The following GEMIN2 variants were observed in gnomAD, a reference collection of about 807,000 sequenced individuals.
GEMIN2 encodes the protein gem-associated protein 2.
GEMIN2 carries 37 observed loss-of-function variants against 45.8 expected under a neutral mutation model. That is an observed-to-expected ratio of 0.81 (90% confidence interval 0.62 to 1.06). GEMIN2 has a LOEUF of 1.06. GEMIN2 is among the 50% of genes least tolerant of loss of function. The pLI is 0.00. For synonymous variants in GEMIN2, 101 were observed against 111.5 expected, an observed-to-expected ratio of 0.91 and a Z score of 0.60; for missense variants, 335 against 321.8, an observed-to-expected ratio of 1.04 and a Z score of -0.31.
At chr14:39,126,573 A>G (rs183007019) in intron 6 of GEMIN2, among the ~76,000 whole-genome samples, 91 of 152,330 alleles carry the variant, frequency 6.0e-4, no homozygotes, top group African/African-American at 2.0e-3. Context: ...TAGCAGTCAT[A>G]CTAAATTCCA....
rs748501909 is a variant in GEMIN2, at chr14:39,132,144, T to C, written c.711+76T>C. 19 of 745,284 alleles carry C rather than the reference T, an allele frequency of 2.5e-5. 1 individual carries two copies. Among genetic ancestry groups the C allele is most frequent in the South Asian group, 1.6e-4 (11 of 67,454 alleles). 46.2% of individuals were successfully genotyped at this position (745,284 alleles called of 1,614,324 possible). Reference sequence around the variant, plus strand: ...GTGGTAAAGAAGGAGTTCAGTGAAATAGGAAAACACATGGAATATTTTATT... The same window carrying C: ...GTGGTAAAGAAGGAGTTCAGTGAAACAGGAAAACACATGGAATATTTTATT... On this transcript the variant is annotated intron_variant, in intron 8 of 9. Transcript: ENST00000308317.
chr14:39,126,522 C>A (rs2052642941), intron 6 of GEMIN2, among the ~76,000 whole-genome samples: 1 of 152,126 alleles, frequency 6.6e-6, no homozygotes, highest in Non-Finnish European at 1.5e-5. Context: ...AAATAATACA[C>A]AAGCTGACAG....
At chr14:39,133,077 A>G (rs2052740598) in intron 8 of GEMIN2, among the ~76,000 whole-genome samples, 1 of 135,122 alleles carries the variant, frequency 7.4e-6, no homozygotes, top group Non-Finnish European at 1.7e-5. Flanking sequence ...AGTAATGAAT[A>G]TATATAAGAA....
chr14:39,129,934 G>GTTT (rs34165330), intron 7 of GEMIN2, among the ~76,000 whole-genome samples: 1,183 of 61,388 alleles, frequency 0.019, 27 homozygotes, highest in East Asian at 0.038. Flanking sequence ...AGACAAGTTT[G>GTTT]TTTTTTTTTT....
chr14:39,127,656 T>C (rs2052661564), intron 6 of GEMIN2, among the ~76,000 whole-genome samples: 1 of 152,174 alleles, frequency 6.6e-6, no homozygotes, highest in Non-Finnish European at 1.5e-5. Flanking sequence ...ACATTTTCTT[T>C]TAACCTTGTG....
At chr14:39,133,336 CA>C (rs1377333456) in intron 8 of GEMIN2, among the ~76,000 whole-genome samples, 1 of 146,636 alleles carries the variant, frequency 6.8e-6, no homozygotes, top group East Asian at 2.0e-4. Context: ...TATATATATT[CA>C]TCACTGTACA....
chr14:39,126,798 G>A (rs529870606), intron 6 of GEMIN2, among the ~76,000 whole-genome samples: 14 of 152,024 alleles, frequency 9.2e-5, no homozygotes, highest in Admixed American at 8.5e-4. Context: ...AGGGAGTCTC[G>A]CTCTGTCGCC....
chr14:39,124,849 CATT>C (rs1157107853), intron 5 of GEMIN2, 140 bp from the exon 6 acceptor site: 1 of 577,090 alleles, frequency 1.7e-6, no homozygotes, highest in Non-Finnish European at 3.1e-6. Context: ...CGGAATGTCT[CATT>C]GTTATGGACA....
chr14:39,122,631 C>A, intron 5 of GEMIN2, 88 bp downstream of exon 5: 1 of 640,590 alleles, frequency 1.6e-6, no homozygotes, highest in Non-Finnish European at 2.7e-6. Flanking sequence ...CTACCCTGGG[C>A]CAAGTCCAGT....
Position 39,118,465 on chromosome 14 carries a change from A to T in GEMIN2, c.313-75A>T, listed in dbSNP as rs527454695. Reference sequence around the variant, plus strand: ...ATTTTTCAAGTTTTAGATGGTTACAATTTTGTGCAGAAACTGATTTCAGTT... The same window carrying T: ...ATTTTTCAAGTTTTAGATGGTTACATTTTTGTGCAGAAACTGATTTCAGTT... On this transcript the variant is annotated intron_variant, in intron 3 of 9. Coordinates refer to ENST00000308317, the MANE Select transcript of GEMIN2 (RefSeq NM_003616.3). The T allele has an allele frequency of 7.8e-6, 6 of 772,192 alleles. No individual in the cohort carries two copies. The Admixed American group carries it at 1.1e-4, about 14-fold the overall frequency. 47.8% of individuals were successfully genotyped at this position (772,192 alleles called of 1,614,324 possible).
chr14:39,123,831 C>T (rs1342353395), intron 5 of GEMIN2, among the ~76,000 whole-genome samples: 1 of 148,360 alleles, frequency 6.7e-6, no homozygotes, highest in African/African-American at 2.5e-5. Context: ...AGCAATCCTC[C>T]CACGTCAGCC....
At position 39,118,603 on chromosome 14, in the gene GEMIN2, T is replaced by C. The variant is rs189184432; in HGVS notation, c.372+4T>C. ...GTTGGATAGTAATGTGACAATGGTA[T>C]GTAAGTTTCTCAGTTTTAAGATGTA... On this transcript the variant is annotated splice_donor_region_variant and intron_variant, in intron 4 of 9. Coordinates refer to ENST00000308317, the MANE Select transcript of GEMIN2 (RefSeq NM_003616.3). The C allele has an allele frequency of 1.5e-6, 2 of 1,341,662 alleles. No individual in the cohort carries two copies. The highest frequency in any genetic ancestry group is 2.1e-6 in the Non-Finnish European group (2 of 932,094). The allele number at this position is 1,341,662 out of a possible 1,614,324, so 83.1% of individuals were successfully genotyped here. A position where few individuals can be genotyped will look rare whatever the true frequency, so the allele number is the denominator to read the frequency against.
At chr14:39,127,504 G>A (rs1324280112) in intron 6 of GEMIN2, among the ~76,000 whole-genome samples, 6 of 151,606 alleles carry the variant, frequency 4.0e-5, no homozygotes, top group Non-Finnish European at 8.8e-5. Flanking sequence ...CACCATGCCC[G>A]GCTAATTTTT....
chr14:39,119,841 C>T (rs1254247167), intron 4 of GEMIN2, among the ~76,000 whole-genome samples: 2 of 152,168 alleles, frequency 1.3e-5, no homozygotes, highest in Non-Finnish European at 2.9e-5. Context: ...AAAGGTATAG[C>T]TAGTCCTTCT....
chr14:39,117,187 G>T (rs1175371966), intron 2 of GEMIN2, among the ~76,000 whole-genome samples: 1 of 151,068 alleles, frequency 6.6e-6, no homozygotes, highest in African/African-American at 2.4e-5. Flanking sequence ...CAGGAGAATT[G>T]CTTGAACCCG....
intron 7 of GEMIN2, among the ~76,000 whole-genome samples, chr14:39,131,136 A>G (rs1016010022): frequency 6.6e-6 from 1 of 152,094 alleles, no homozygotes; most frequent in African/African-American, 2.4e-5. Flanking sequence ...GGTCTCTATT[A>G]AAAATACAAA....
chr14:39,122,595 C>T (rs775688241), intron 5 of GEMIN2, 52 bp downstream of exon 5: 5 of 953,972 alleles, frequency 5.2e-6, no homozygotes, highest in Non-Finnish European at 8.2e-6. Context: ...TTTGGTGCAC[C>T]ACTTAATATA....
rs1403399724 is a variant in GEMIN2 at position 39,123,703 on chromosome 14, TATA to T, written c.486+1161_486+1163del. 1.3e-3 allele frequency among the ~76,000 whole-genome samples: 76 copies of T among 56,320 alleles called. 2 individuals carry two copies. The highest frequency in any genetic ancestry group is 2.0e-3 in the Admixed American group (10 of 4,882). 36.9% of individuals were successfully genotyped at this position (56,320 alleles called of 152,430 possible). On this transcript the variant is annotated intron_variant, in intron 5 of 9. Transcript: ENST00000308317. ...AAAAATAGCTATATATATATATATA[TATA>T]TATTTTTTTTTTTTTTTTTTTTTTT...
chr14:39,122,570 A>C (rs922659573), intron 5 of GEMIN2, 27 bp downstream of exon 5: 2 of 1,196,742 alleles, frequency 1.7e-6, no homozygotes, highest in Admixed American at 2.1e-5. Context: ...TAAACAGAAC[A>C]AAAAGCATTT....
Sources: allele counts gnomAD v4.1 joint callset (sites outside exome capture counted in the v4.1 genomes callset), GRCh38; gene constraint gnomAD v4.1.1; transcripts MANE v1.5; gene names NCBI Gene and HGNC (gene_info 2026-07-23, HGNC 2026-07-21).